The following RNF144A variants were observed in gnomAD, a reference collection of about 807,000 sequenced individuals.
RNF144A encodes the protein ring finger protein 144A, also known as E3 ubiquitin-protein ligase RNF144A.
In RNF144A, 11 loss-of-function variants were observed where a neutral mutation model predicts 38.7. The ratio of observed to expected loss-of-function variants is 0.28; its 90% CI spans 0.18 to 0.47. The LOEUF is 0.47. Among genes scored for constraint, RNF144A ranks in the 20% least tolerant of loss-of-function variants. The pLI, the probability that RNF144A is intolerant of heterozygous loss-of-function variation, is 0.99. For missense variants in RNF144A, 316 were observed against 377.2 expected (o/e 0.84, Z 1.34); for synonymous variants, 149 against 143.9 (o/e 1.04, Z -0.25).
At chr2:7,063,856 C>A (rs1403982041) in intron 6 of RNF144A, among the ~76,000 whole-genome samples, 2 of 152,128 alleles carry the variant, frequency 1.3e-5, no homozygotes, top group Non-Finnish European at 2.9e-5. Flanking sequence ...ATAAAATATG[C>A]CTTAGTCCAT....
intron 2 of RNF144A, among the ~76,000 whole-genome samples, chr2:6,945,598 A>G (rs1666286005): frequency 6.6e-6 from 1 of 152,212 alleles, no homozygotes; most frequent in African/African-American, 2.4e-5. Context: ...CTCTAGAAAG[A>G]TCAAGTCAGC....
chr2:6,917,541 G>A lies in RNF144A; in HGVS notation c.-293G>A, dbSNP rs926953775. On this transcript the variant is annotated 5_prime_UTR_variant, in exon 1 of 9. Coordinates refer to ENST00000320892, the MANE Select transcript of RNF144A (RefSeq NM_014746.6). This position sits in a 1 kb window ranked among gnomAD's most constrained non-coding sequence, Gnocchi z 4.8. ...TGCGCGGGCGCGGGGAGGCGCGGGC[G>A]GCAAACTGCGGGCACCCGGCACCCC... 2.0e-5 allele frequency: 3 copies of A among 147,924 alleles called. No individual in the cohort carries two copies. Among genetic ancestry groups the A allele is most frequent in the African/African-American group, 7.3e-5 (3 of 41,124 alleles). 9.2% of individuals were successfully genotyped at this position (147,924 alleles called of 1,614,324 possible). A position where few individuals can be genotyped will look rare whatever the true frequency, so the allele number is the denominator to read the frequency against.
intron 8 of RNF144A, among the ~76,000 whole-genome samples, chr2:7,034,008 T>A (rs1172339492): frequency 1.3e-5 from 2 of 152,232 alleles, no homozygotes; most frequent in African/African-American, 4.8e-5. Flanking sequence ...GGTTGCTGTG[T>A]CCCCGTCCCA....
chr2:7,048,331 T>G (rs570648976), downstream of RNF144A, among the ~76,000 whole-genome samples: 5 of 152,332 alleles, frequency 3.3e-5, no homozygotes, highest in African/African-American at 9.6e-5. Context: ...GCTTCCTGAA[T>G]CAACATGTTG....
chr2:6,945,334 G>A (rs1337997950), intron 2 of RNF144A, among the ~76,000 whole-genome samples: 3 of 152,022 alleles, frequency 2.0e-5, no homozygotes, highest in Non-Finnish European at 4.4e-5. Context: ...TGATGGTATT[G>A]TTACAATCAA....
Position 7,040,093 on chromosome 2 carries a change from C to T in RNF144A, c.*333C>T, listed in dbSNP as rs1672955954. On this transcript the variant is annotated 3_prime_UTR_variant, in exon 9 of 9. Transcript: ENST00000320892. ...TGGGGATGGCCTAAGAGACTTTCTG[C>T]TCCTTGGCTTCTAGATGGCACCATG... 1 of 1,043,176 alleles carries T rather than the reference C, an allele frequency of 9.6e-7. No individual in the cohort carries two copies. The highest frequency in any genetic ancestry group is 5.4e-5 in the Admixed American group (1 of 18,666). 64.6% of individuals were successfully genotyped at this position (1,043,176 alleles called of 1,614,324 possible).
chr2:6,973,847 G>A (rs779590723), intron 2 of RNF144A, among the ~76,000 whole-genome samples: 11 of 152,226 alleles, frequency 7.2e-5, no homozygotes, highest in African/African-American at 1.2e-4. Context: ...GTCTCTGGCT[G>A]CTTCGTGCTC....
At chr2:6,981,396 G>A (rs1249069565) in intron 2 of RNF144A, among the ~76,000 whole-genome samples, 2 of 151,822 alleles carry the variant, frequency 1.3e-5, no homozygotes, top group Non-Finnish European at 2.9e-5. Context: ...ATGTAACTGT[G>A]TGCTTTCAGG....
chr2:7,030,868 G>A (rs1672252020), intron 8 of RNF144A, among the ~76,000 whole-genome samples: 1 of 151,932 alleles, frequency 6.6e-6, no homozygotes, highest in South Asian at 2.1e-4. Context: ...CAACTAGATG[G>A]TCCCATCTGA....
At chr2:6,973,058 A>T (rs571745637) in intron 2 of RNF144A, among the ~76,000 whole-genome samples, 1 of 152,302 alleles carries the variant, frequency 6.6e-6, no homozygotes, top group East Asian at 1.9e-4. Context: ...TTTCTTATCT[A>T]TGAAATGGGG....
At chr2:6,995,916 GC>G (rs1468008994) in intron 2 of RNF144A, among the ~76,000 whole-genome samples, 1 of 152,166 alleles carries the variant, frequency 6.6e-6, no homozygotes, top group African/African-American at 2.4e-5. Flanking sequence ...GCTGTGTGCG[GC>G]CGACCCTTTA....
chr2:6,945,833 A>T (rs1046741671), intron 2 of RNF144A, among the ~76,000 whole-genome samples: 12 of 152,166 alleles, frequency 7.9e-5, no homozygotes, highest in African/African-American at 2.7e-4. Flanking sequence ...CTGTTAGAAG[A>T]ATTATCACAA....
Position 6,958,307 on chromosome 2 carries a change from G to A in RNF144A, c.-12+17160G>A, listed in dbSNP as rs183811480. Among the ~76,000 whole-genome samples, 31 of 152,344 alleles carry A rather than the reference G, an allele frequency of 2.0e-4. No individual in the cohort carries two copies. Among genetic ancestry groups the A allele is most frequent in the Non-Finnish European group, 1.0e-4 (7 of 68,034 alleles). On this transcript the variant is annotated intron_variant, in intron 2 of 8. Coordinates refer to ENST00000320892, the MANE Select transcript of RNF144A (RefSeq NM_014746.6). This position sits in a 1 kb window ranked among gnomAD's most constrained non-coding sequence, Gnocchi z 4.5. ...CAGTCCAGTAACTCAGCAGCCTGCC[G>A]TGCCAGAGACAGAACAGACACACGG...
At chr2:7,026,955 G>C (rs1671943285) in intron 7 of RNF144A, among the ~76,000 whole-genome samples, 1 of 152,192 alleles carries the variant, frequency 6.6e-6, no homozygotes, top group Non-Finnish European at 1.5e-5. Context: ...GTGGCCAGAG[G>C]AAGCGGATGT....
chr2:6,944,893 T>G lies in RNF144A; in HGVS notation c.-12+3746T>G, dbSNP rs1666236906. On this transcript the variant is annotated intron_variant, in intron 2 of 8. Transcript: ENST00000320892. The surrounding 1 kb of genome is among the most constrained non-coding windows in gnomAD (Gnocchi z 4.7). Reference sequence around the variant, plus strand: ...GACATTCCAGCACGAGCAAAGATTTTTTAAATGTTTAGAATTTATAAAGAG... The same window carrying G: ...GACATTCCAGCACGAGCAAAGATTTGTTAAATGTTTAGAATTTATAAAGAG... Among the ~76,000 whole-genome samples, 5 of 152,360 alleles carry G rather than the reference T, an allele frequency of 3.3e-5. No individual in the cohort carries two copies. The South Asian group carries it at 1.0e-3, about 32-fold the overall frequency.
intron 3 of RNF144A, among the ~76,000 whole-genome samples, chr2:7,011,879 A>G (rs575985862): frequency 1.3e-5 from 2 of 152,314 alleles, no homozygotes; most frequent in Admixed American, 6.5e-5. Context: ...GAACAAATTG[A>G]TATTCCCAGA....
At chr2:6,985,216 C>A (rs1458073737) in intron 2 of RNF144A, among the ~76,000 whole-genome samples, 2 of 147,282 alleles carry the variant, frequency 1.4e-5, no homozygotes, top group Non-Finnish European at 3.0e-5. Flanking sequence ...CCCCAGGTTT[C>A]TTTGAACAGA....
downstream of RNF144A, among the ~76,000 whole-genome samples, chr2:7,072,632 G>A (rs1226442096): frequency 6.6e-6 from 1 of 152,144 alleles, no homozygotes; most frequent in African/African-American, 2.4e-5. Flanking sequence ...GAATATTACT[G>A]ATTTATTTAC....
chr2:6,968,549 G>C (rs906637093), intron 2 of RNF144A, among the ~76,000 whole-genome samples: 5 of 152,214 alleles, frequency 3.3e-5, no homozygotes, highest in Admixed American at 2.6e-4. Flanking sequence ...GCCTATGCCT[G>C]CTGGCCCATC....
Sources: allele counts gnomAD v4.1 joint callset (sites outside exome capture counted in the v4.1 genomes callset), GRCh38; gene constraint gnomAD v4.1.1; non-coding constraint Gnocchi (gnomAD v3.1); transcripts MANE v1.5; gene names NCBI Gene and HGNC (gene_info 2026-07-23, HGNC 2026-07-21).